MYCBPAP: variants seen among roughly 807,000 people sequenced by gnomAD.
MYCBPAP encodes MYCBP-associated protein.
In MYCBPAP, 60 loss-of-function variants were observed where a neutral mutation model predicts 106.1. That is an observed-to-expected ratio of 0.57 (90% CI 0.46 to 0.70). The LOEUF is 0.70. MYCBPAP is among the 30% of genes least tolerant of loss of function. The pLI is 0.00. For synonymous variants in MYCBPAP, 407 were observed against 440.6 expected, an observed-to-expected ratio of 0.92 and a Z score of 0.95; for missense variants, 1,064 against 1,169.3, an observed-to-expected ratio of 0.91 and a Z score of 1.31.
intron 1 of MYCBPAP, among the ~76,000 whole-genome samples, chr17:50,513,575 A>C (rs905486813): frequency 6.6e-6 from 1 of 152,132 alleles, no homozygotes; most frequent in African/African-American, 2.4e-5. Context: ...CTTCTCTATC[A>C]CTGAAGGGAT....
chr17:50,527,843 T>C (rs534492488), intron 15 of MYCBPAP, among the ~76,000 whole-genome samples: 43 of 152,214 alleles, frequency 2.8e-4, no homozygotes, highest in South Asian at 1.0e-3. Flanking sequence ...TCATGCAAGG[T>C]TCAGCCCCTC....
At chr17:50,510,497 GTGTATATATATATATATA>G (rs1241189759) in intron 1 of MYCBPAP, 17 of 89,506 alleles carry the variant, frequency 1.9e-4, no homozygotes, top group Admixed American at 1.4e-3. Context: ...GTGTGTGTGT[GTGTATATATATATATATA>G]TATATATATA....
chr17:50,507,948 G>A (rs1178836786), upstream of MYCBPAP, among the ~76,000 whole-genome samples: 1 of 152,238 alleles, frequency 6.6e-6, no homozygotes, highest in Non-Finnish European at 1.5e-5. Flanking sequence ...GCATCTCCAA[G>A]GACTGTGAGA....
intron 18 of MYCBPAP, 86 bp downstream of exon 18, chr17:50,529,274 C>A: frequency 7.7e-7 from 1 of 1,304,612 alleles, no homozygotes; most frequent in South Asian, 1.4e-5. Context: ...AGTGCCCACT[C>A]CATCATGGTG....
At chr17:50,514,209 A>G (rs1453626998) in intron 1 of MYCBPAP, among the ~76,000 whole-genome samples, 1 of 152,104 alleles carries the variant, frequency 6.6e-6, no homozygotes, top group Non-Finnish European at 1.5e-5. Context: ...ATTTAGAACT[A>G]TGTTTGGAAT....
intron 17 of MYCBPAP, 85 bp from the exon 18 acceptor site, chr17:50,528,933 G>C: frequency 6.3e-7 from 1 of 1,596,810 alleles, no homozygotes; most frequent in South Asian, 1.1e-5. Flanking sequence ...ATGTGCCCAG[G>C]CTCTCCCAGT....
chr17:50,526,167 T>C lies in MYCBPAP; in HGVS notation c.2069T>C (p.Leu690Pro). The C allele has an allele frequency of 6.2e-7, 1 of 1,613,590 alleles. No individual in the cohort carries two copies. ...CGGAAGAGCATCATGGAGGAGATCC[T>C]GGTGGAGGAAAGCCCAGATGTGGAC... ...PQRKSIMEEI[L>P]VEESPDVDST... The change falls in exon 14 of 19, where the codon CTG becomes CCG. Residue 690 changes from leucine (L) to proline (P), a missense_variant. Transcript: ENST00000323776.
intron 15 of MYCBPAP, among the ~76,000 whole-genome samples, chr17:50,527,846 A>G (rs111394236): frequency 6.6e-6 from 1 of 152,178 alleles, no homozygotes. Context: ...TGCAAGGTTC[A>G]GCCCCTCCAG....
At chr17:50,529,988 C>T (rs146690559) in intron 18 of MYCBPAP, among the ~76,000 whole-genome samples, 3 of 152,324 alleles carry the variant, frequency 2.0e-5, no homozygotes, top group Non-Finnish European at 2.9e-5. Context: ...CTATTGGCGA[C>T]GTCTTGCCTT....
chr17:50,522,144 C>T, intron 10 of MYCBPAP, 63 bp downstream of exon 10: 1 of 1,363,602 alleles, frequency 7.3e-7, no homozygotes. Context: ...CCTGAGGTGA[C>T]TGGCAGTTAC....
At chr17:50,508,932 A>T in intron 1 of MYCBPAP, 182 bp downstream of exon 1, 1 of 719,318 alleles carries the variant, frequency 1.4e-6, no homozygotes, top group Non-Finnish European at 2.5e-6. Context: ...AAGAGCCTAC[A>T]GCGCACTGGG....
At chr17:50,509,001 G>T in intron 1 of MYCBPAP, 1 of 702,692 alleles carries the variant, frequency 1.4e-6, no homozygotes, top group Non-Finnish European at 2.6e-6. Context: ...GGGACCACTG[G>T]CTGGGGAGAT....
At chr17:50,524,799 TGG>T in intron 12 of MYCBPAP, 76 bp from the exon 13 acceptor site, 1 of 1,514,572 alleles carries the variant, frequency 6.6e-7, no homozygotes, top group Non-Finnish European at 9.0e-7. Context: ...CACAAAGTCC[TGG>T]GGGCTCCAAC....
At chr17:50,525,659 C>CTCTCTTTTTTT (rs57947501) in intron 13 of MYCBPAP, among the ~76,000 whole-genome samples, 4 of 131,364 alleles carry the variant, frequency 3.0e-5, no homozygotes, top group African/African-American at 8.6e-5. Flanking sequence ...GCTAATTTCT[C>CTCTCTTTTTTT]TTTTTTTTTT....
In MYCBPAP at chr17:50,529,442, C is replaced by A. The variant is rs547961920; in HGVS notation, c.2724+254C>A. On this transcript the variant is annotated intron_variant, in intron 18 of 18. Coordinates refer to ENST00000323776, the MANE Select transcript of MYCBPAP (RefSeq NM_032133.6). ...GCCTCAGTGAGGAGGTGACAACCCA[C>A]AAAGATTTGAAGGGAGGGGAAGGGT... is the stretch of plus-strand genomic sequence containing the variant. The A allele has an allele frequency of 2.2e-5, 10 of 456,092 alleles. No homozygotes were observed. In the East Asian group the frequency reaches 4.3e-4, roughly 19 times the overall value. The allele number at this position is 456,092 out of a possible 1,614,324, so 28.3% of individuals were successfully genotyped here.
chr17:50,508,351 C>T (rs2033688514), upstream of MYCBPAP: 3 of 498,962 alleles, frequency 6.0e-6, no homozygotes, highest in Non-Finnish European at 1.0e-5. Flanking sequence ...CGCGGGGGTC[C>T]TCGCCCGGGT....
intron 14 of MYCBPAP, among the ~76,000 whole-genome samples, chr17:50,526,635 T>C (rs1297090646): frequency 6.6e-6 from 1 of 151,788 alleles, no homozygotes; most frequent in African/African-American, 2.4e-5. Context: ...CAGGCTGGAG[T>C]GCAGTGGTGC....
chr17:50,524,317 G>T (rs2034379786), intron 12 of MYCBPAP, among the ~76,000 whole-genome samples: 1 of 152,196 alleles, frequency 6.6e-6, no homozygotes, highest in African/African-American at 2.4e-5. Flanking sequence ...CTGGGATTTG[G>T]TGGAAAGCTG....
chr17:50,527,301 C>A lies in MYCBPAP; in HGVS notation c.2184C>A (p.Leu728=). 1 of 1,614,098 alleles carries A rather than the reference C, an allele frequency of 6.2e-7. No homozygotes were observed. Among genetic ancestry groups the A allele is most frequent in the Non-Finnish European group, 8.5e-7 (1 of 1,180,000 alleles). Residue 728 remains leucine, a synonymous_variant, in exon 15 of 19, where the codon CTC becomes CTA. Transcript: ENST00000323776. ...LEDFRKAVMV[L]PDENHREDAL... is the part of the protein sequence containing the mutation. ...GACCCTGCCAGGCAGTGATGGTGCTCCCTGATGAGAACCACAGAGAGGATG... is the reference window on the plus strand; with the variant it reads ...GACCCTGCCAGGCAGTGATGGTGCTACCTGATGAGAACCACAGAGAGGATG...
Sources: gnomAD v4.1 joint callset for allele counts (sites outside exome capture counted in the v4.1 genomes callset) on GRCh38, gnomAD v4.1.1 for gene constraint, MANE v1.5 for transcripts, NCBI Gene and HGNC (gene_info 2026-07-23, HGNC 2026-07-21) for gene names.